Variants in SOX5 observed in about 807,000 individuals in gnomAD.
The protein encoded by SOX5 is SRY-box transcription factor 5, also known as transcription factor SOX-5.
In SOX5, 9 loss-of-function variants were observed where a neutral mutation model predicts 92.0. The observed-to-expected ratio is 0.10, with a 90% CI of 0.06 to 0.17. SOX5 has a LOEUF of 0.17. SOX5 is among the 10% of genes least tolerant of loss of function. The probability of loss-of-function intolerance (pLI) is 1.00; values close to 1 mark genes in which losing one functional copy is unlikely to be tolerated. For missense variants in SOX5, 642 were observed against 944.5 expected (o/e 0.68, Z 4.20); for synonymous variants, 344 against 336.3 (o/e 1.02, Z -0.25).
At chr12:23,650,606 G>A (rs1016840932) in intron 7 of SOX5, among the ~76,000 whole-genome samples, 2 of 152,090 alleles carry the variant, frequency 1.3e-5, no homozygotes, top group African/African-American at 4.8e-5. Flanking sequence ...AAATTGGTGG[G>A]TGCCTTCAAG....
chr12:23,738,127 T>C (rs759151356), intron 5 of SOX5, among the ~76,000 whole-genome samples: 1 of 152,182 alleles, frequency 6.6e-6, no homozygotes, highest in East Asian at 1.9e-4. Flanking sequence ...TGAATATTTA[T>C]CTAATAGATG....
At chr12:23,882,506 T>C (rs993522752) in intron 2 of SOX5, among the ~76,000 whole-genome samples, 4 of 152,126 alleles carry the variant, frequency 2.6e-5, no homozygotes, top group African/African-American at 9.7e-5. Context: ...AAATATTGTT[T>C]GGTATTGTGT....
chr12:24,139,737 T>A (rs1414691050), intron 4 of SOX5, among the ~76,000 whole-genome samples: 1 of 152,224 alleles, frequency 6.6e-6, no homozygotes, highest in African/African-American at 2.4e-5. Context: ...CATTTTAAAT[T>A]CGGCTTAACG....
In SOX5 at chr12:23,837,247, ATATTTATATTTATATAATATATAATATG is replaced by A. The variant is rs1417707514; in HGVS notation, c.481+8708_481+8735del. Among the ~76,000 whole-genome samples, 177 of 76,528 alleles carry A rather than the reference ATATTTATATTTATATAATATATAATATG, an allele frequency of 2.3e-3. 1 individual carries two copies. Among genetic ancestry groups the A allele is most frequent in the Middle Eastern group, 6.7e-3 (1 of 150 alleles). 50.2% of individuals were successfully genotyped at this position (76,528 alleles called of 152,430 possible). On this transcript the variant is annotated intron_variant, in intron 3 of 14. Coordinates refer to ENST00000451604, the MANE Select transcript of SOX5 (RefSeq NM_006940.6). ...TATATAATATATATTTATATAATAT[ATATTTATATTTATATAATATATAATATG>A]TATTTATATTTATATTTATATAATA... is the stretch of plus-strand genomic sequence containing the variant.
At chr12:24,127,893 C>T (rs553951315) in intron 4 of SOX5, among the ~76,000 whole-genome samples, 23 of 152,280 alleles carry the variant, frequency 1.5e-4, no homozygotes, top group African/African-American at 5.3e-4. Flanking sequence ...CAGATCAGCC[C>T]ACAGTTCCCA....
At chr12:24,080,229 G>A (rs1228287384) in intron 4 of SOX5, among the ~76,000 whole-genome samples, 6 of 151,880 alleles carry the variant, frequency 4.0e-5, no homozygotes. Context: ...GTGTATTTTA[G>A]TCAGAAACAG....
chr12:24,523,057 T>C (rs1463814613), intron 1 of SOX5, among the ~76,000 whole-genome samples: 1 of 152,074 alleles, frequency 6.6e-6, no homozygotes. Context: ...CTAATAAATA[T>C]AGTAAAGTGG....
At chr12:24,024,952 C>A (rs1954719140) in intron 4 of SOX5, among the ~76,000 whole-genome samples, 1 of 151,922 alleles carries the variant, frequency 6.6e-6, no homozygotes, top group Non-Finnish European at 1.5e-5. Flanking sequence ...AACCTATATG[C>A]ATATAAAAAG....
intron 3 of SOX5, chr12:24,277,093 CAT>C (rs1464777115): frequency 1.2e-4 from 18 of 151,880 alleles, no homozygotes; most frequent in South Asian, 2.1e-4. Flanking sequence ...CTTTTATATG[CAT>C]ATGTTTTATA....
intron 9 of SOX5, chr12:23,584,428 C>A (rs1272130668): frequency 6.2e-6 from 5 of 807,836 alleles, no homozygotes; most frequent in Non-Finnish European, 1.1e-5. Flanking sequence ...GCAGATAGGC[C>A]ATCTTTAGAT....
At chr12:23,813,420 G>A (rs1306305158) in intron 3 of SOX5, among the ~76,000 whole-genome samples, 3 of 152,028 alleles carry the variant, frequency 2.0e-5, no homozygotes, top group African/African-American at 7.2e-5. Context: ...GAGAAGATAA[G>A]GAAAAAGGAG....
chr12:23,596,844 T>C (rs1952559253), intron 9 of SOX5, among the ~76,000 whole-genome samples: 1 of 152,194 alleles, frequency 6.6e-6, no homozygotes, highest in Non-Finnish European at 1.5e-5. Flanking sequence ...AGGTAGAAAA[T>C]ATATCATTTA....
chr12:23,548,148 G>C (rs1488147315), intron 11 of SOX5, among the ~76,000 whole-genome samples: 1 of 151,988 alleles, frequency 6.6e-6, no homozygotes, highest in Admixed American at 6.6e-5. Context: ...ACAGTATAGG[G>C]CAATAATACT....
chr12:24,082,404 GAAAAAAAAAA>G (rs58736325), intron 4 of SOX5, among the ~76,000 whole-genome samples: 22 of 73,450 alleles, frequency 3.0e-4, no homozygotes, highest in East Asian at 1.4e-3. Flanking sequence ...CTTTCGAAAA[GAAAAAAAAAA>G]AAAAAAAAAA....
At chr12:23,949,427 T>C in intron 1 of SOX5, 137 bp downstream of exon 1, 1 of 1,039,822 alleles carries the variant, frequency 9.6e-7, no homozygotes, top group Non-Finnish European at 1.5e-6. Context: ...AAAAATCAGC[T>C]AACAAGATTG....
intron 6 of SOX5, among the ~76,000 whole-genome samples, chr12:23,685,879 A>C (rs1372234349): frequency 6.6e-6 from 1 of 152,170 alleles, no homozygotes; most frequent in Non-Finnish European, 1.5e-5. Context: ...TATTGTGTCT[A>C]ATTAACACAA....
intron 6 of SOX5, among the ~76,000 whole-genome samples, chr12:23,710,990 T>C (rs1167371929): frequency 6.6e-6 from 1 of 152,132 alleles, no homozygotes; most frequent in Non-Finnish European, 1.5e-5. Context: ...TATATGACTT[T>C]AAAAACATCA....
chr12:23,763,761 G>A (rs1292431684), intron 3 of SOX5, among the ~76,000 whole-genome samples: 2 of 151,854 alleles, frequency 1.3e-5, no homozygotes, highest in East Asian at 1.9e-4. Flanking sequence ...AAGTGAAAGA[G>A]AACAACAAAT....
intron 1 of SOX5, among the ~76,000 whole-genome samples, chr12:24,509,930 C>T (rs560089499): frequency 6.6e-6 from 1 of 152,316 alleles, no homozygotes; most frequent in South Asian, 2.1e-4. Context: ...CTGACATTTG[C>T]AATGTTACTT....
Sources: allele counts gnomAD v4.1 joint callset (sites outside exome capture counted in the v4.1 genomes callset), GRCh38; gene constraint gnomAD v4.1.1; transcripts MANE v1.5; gene names NCBI Gene and HGNC (gene_info 2026-07-23, HGNC 2026-07-21).